Variants in TEX11 observed in about 807,000 individuals in gnomAD.
The protein encoded by TEX11 is testis expressed 11.
TEX11 carries 7 observed loss-of-function variants against 84.4 expected under a neutral mutation model. The observed-to-expected ratio is 0.08, with a 90% CI of 0.05 to 0.16. The LOEUF (loss-of-function observed/expected upper bound fraction) is 0.16. TEX11 is among the 10% of genes least tolerant of loss of function. The pLI, the probability that TEX11 is intolerant of heterozygous loss-of-function variation, is 1.00. For missense variants in TEX11, 551 were observed against 660.5 expected, an observed-to-expected ratio of 0.83 and a Z score of 1.82; for synonymous variants, 264 against 222.8, an observed-to-expected ratio of 1.18 and a Z score of -1.64.
intron 2 of TEX11, among the ~76,000 whole-genome samples, chrX:70,904,707 T>C (rs2091820485): frequency 8.9e-6 from 1 of 111,957 alleles, no homozygotes; most frequent in African/African-American, 3.2e-5. Flanking sequence ...CACATGTGAC[T>C]ATTGAGCACT....
the TEX11 span, among the ~76,000 whole-genome samples, chrX:70,515,940 T>C: frequency 2.7e-5 from 3 of 112,566 alleles, no homozygotes; most frequent in Non-Finnish European, 5.6e-5. Context: ...TGTCTGTTCA[T>C]ATCCTTTGCC....
intron 20 of TEX11, among the ~76,000 whole-genome samples, chrX:70,614,587 C>T (rs1398790749): frequency 8.9e-6 from 1 of 112,008 alleles, no homozygotes; most frequent in Non-Finnish European, 1.9e-5. Flanking sequence ...GGGGAACTTG[C>T]TGCCCTGAAG....
At chrX:70,738,684 G>A (rs2090713552) in intron 11 of TEX11, among the ~76,000 whole-genome samples, 4 of 111,929 alleles carry the variant, frequency 3.6e-5, no homozygotes, top group Non-Finnish European at 7.5e-5. Context: ...CAATAGCAAG[G>A]ACTTGGAACC....
intron 2 of TEX11, among the ~76,000 whole-genome samples, chrX:70,881,050 G>A (rs5980729): frequency 0.19 from 19,856 of 104,166 alleles, 1,536 homozygotes; most frequent in Middle Eastern, 0.24. Context: ...AAACTAGACC[G>A]GGCCCAGTGG....
intron 24 of TEX11, among the ~76,000 whole-genome samples, chrX:70,603,334 G>A (rs1603130776): frequency 1.1e-5 from 1 of 92,615 alleles, no homozygotes; most frequent in Admixed American, 1.2e-4. Context: ...AAAACAGCAT[G>A]GTACTGGTAC....
At chrX:70,703,956 G>A (rs753848853) in intron 13 of TEX11, among the ~76,000 whole-genome samples, 2 of 111,333 alleles carry the variant, frequency 1.8e-5, no homozygotes, top group South Asian at 3.8e-4. Context: ...GTTGGAGGTC[G>A]GGCCTAGTGG....
chrX:70,561,448 C>T lies in TEX11; in HGVS notation c.2141-6648G>A, dbSNP rs752749350. Among the ~76,000 whole-genome samples, 36 of 95,211 alleles carry T rather than the reference C, an allele frequency of 3.8e-4. No homozygotes were observed. In the South Asian group the frequency reaches 0.011, roughly 30 times the overall value. The allele number at this position is 95,211 out of a possible 115,157, so 82.7% of individuals were successfully genotyped here. On this transcript the variant is annotated intron_variant, in intron 25 of 29. Coordinates refer to ENST00000374333, the MANE Select transcript of TEX11 (RefSeq NM_031276.3). ...TGTCGCCCAGGCTGGAGTGTGGTGG[C>T]GTGATCTCAGCTCACTGCAACCCTC...
chrX:70,767,792 A>G (rs1266773405), intron 9 of TEX11, among the ~76,000 whole-genome samples: 1 of 112,110 alleles, frequency 8.9e-6, no homozygotes, highest in Non-Finnish European at 1.9e-5. Flanking sequence ...TTATTTAGCC[A>G]TAAAAAAGAG....
At chrX:70,748,231 A>G (rs924741950) in intron 9 of TEX11, among the ~76,000 whole-genome samples, 6 of 111,596 alleles carry the variant, frequency 5.4e-5, no homozygotes, top group Non-Finnish European at 9.4e-5. Context: ...CACATCCAAG[A>G]AGCTCAATGA....
intron 20 of TEX11, among the ~76,000 whole-genome samples, chrX:70,612,563 A>C (rs2089273349): frequency 3.4e-5 from 1 of 29,067 alleles, no homozygotes; most frequent in Non-Finnish European, 6.0e-5. Flanking sequence ...TAGTAGATTG[A>C]ACAAAGCTGA....
chrX:70,682,643 T>C (rs2147658657), intron 14 of TEX11, 31 bp downstream of exon 14: 1 of 1,194,731 alleles, frequency 8.4e-7, no homozygotes, highest in Non-Finnish European at 1.1e-6. Context: ...AATTAATACG[T>C]TTCTAAAACA....
At chrX:70,794,644 A>T (rs753042421) in intron 9 of TEX11, among the ~76,000 whole-genome samples, 5 of 109,170 alleles carry the variant, frequency 4.6e-5, no homozygotes, top group Non-Finnish European at 9.5e-5. Context: ...CTATGGTAGG[A>T]TAGGACACCA....
At chrX:70,698,229 C>G (rs5980728) in intron 13 of TEX11, among the ~76,000 whole-genome samples, 32,979 of 109,390 alleles carry the variant, frequency 0.3, 3,908 homozygotes, top group Admixed American at 0.42. Flanking sequence ...TAAATTATTA[C>G]TAACTATAGT....
At chrX:70,856,665 T>C (rs1288226819) in intron 5 of TEX11, among the ~76,000 whole-genome samples, 1 of 111,263 alleles carries the variant, frequency 9.0e-6, no homozygotes, top group Non-Finnish European at 1.9e-5. Context: ...CTATAAATTA[T>C]TCTGACAAAA....
At chrX:70,770,945 A>C (rs1333352340) in intron 9 of TEX11, among the ~76,000 whole-genome samples, 1 of 111,581 alleles carries the variant, frequency 9.0e-6, no homozygotes, top group Non-Finnish European at 1.9e-5. Context: ...CACATTACTT[A>C]CCAACAGAGA....
chrX:70,826,988 G>A (rs926459449), intron 8 of TEX11, among the ~76,000 whole-genome samples: 2 of 111,212 alleles, frequency 1.8e-5, no homozygotes, highest in Admixed American at 9.6e-5. Context: ...AATAAAGCTC[G>A]TAGCAATGAA....
chrX:70,875,145 C>A (rs910166966), intron 3 of TEX11, among the ~76,000 whole-genome samples: 1 of 109,854 alleles, frequency 9.1e-6, no homozygotes, highest in African/African-American at 3.3e-5. Context: ...CACTGTACTC[C>A]AGCCTGGGCG....
intron 25 of TEX11, among the ~76,000 whole-genome samples, chrX:70,569,960 T>A (rs182874039): frequency 1.8e-5 from 2 of 111,890 alleles, no homozygotes; most frequent in Non-Finnish European, 3.8e-5. Context: ...GACATTTAAG[T>A]CTGCAGAGGT....
chrX:70,750,354 AG>A (rs2090806090), intron 9 of TEX11, among the ~76,000 whole-genome samples: 1 of 111,796 alleles, frequency 8.9e-6, no homozygotes, highest in Admixed American at 9.5e-5. Context: ...CCATTGTGGA[AG>A]TCAGTGTGGT....
Sources: allele counts gnomAD v4.1 joint callset (sites outside exome capture counted in the v4.1 genomes callset), GRCh38; gene constraint gnomAD v4.1.1; transcripts MANE v1.5; gene names NCBI Gene and HGNC (gene_info 2026-07-23, HGNC 2026-07-21).